Variants in ADAM12 observed in about 807,000 individuals in gnomAD.
ADAM12 encodes ADAM metallopeptidase domain 12, also known as disintegrin and metalloproteinase domain-containing protein 12.
In ADAM12, 70 loss-of-function variants were observed where a neutral mutation model predicts 106.4. The ratio of observed to expected loss-of-function variants is 0.66; its 90% CI spans 0.54 to 0.80. The LOEUF (loss-of-function observed/expected upper bound fraction) is 0.80. ADAM12 is among the 30% of genes least tolerant of loss of function. ADAM12 has a pLI of 0.00. For missense variants in ADAM12, 1,010 were observed against 1,171.9 expected (o/e 0.86, Z 2.02); for synonymous variants, 420 against 433.5 (o/e 0.97, Z 0.39).
intron 14 of ADAM12, among the ~76,000 whole-genome samples, chr10:126,062,343 G>A (rs550899587): frequency 6.6e-6 from 1 of 152,282 alleles, no homozygotes; most frequent in Admixed American, 6.5e-5. Flanking sequence ...GAGAGTGGGT[G>A]GGAGAGAGTA....
At chr10:126,365,110 A>T (rs1195402107) in intron 1 of ADAM12, among the ~76,000 whole-genome samples, 3 of 152,176 alleles carry the variant, frequency 2.0e-5, no homozygotes, top group Non-Finnish European at 4.4e-5. Flanking sequence ...ATTATCCAGT[A>T]TGATTGGTGA....
At position 126,071,530 on chromosome 10, in the gene ADAM12, A is replaced by G. The variant is rs766002693; in HGVS notation, c.1270T>C (p.Cys424Arg). The G allele has an allele frequency of 2.5e-6, 4 of 1,614,020 alleles. No homozygotes were observed. In the South Asian group the frequency reaches 3.3e-5, roughly 13 times the overall value. The change falls in exon 12 of 23, where the codon TGT becomes CGT. Residue 424 changes from cysteine to arginine, a missense_variant. This residue lies in a region of ADAM12 where 615 missense variants were observed against 708.5 expected (regional missense o/e 0.87). Transcript: ENST00000448723. Reference protein sequence around the residue: ...EVRESFGGQKCGNRFVEEGEE... With the variant: ...EVRESFGGQKRGNRFVEEGEE... ...CCTTCTTCCACAAATCTGTTCCCAC[A>G]CTTCTGGCCCCCGAAAGACTCCCTG...
chr10:126,088,577 G>C (rs747283050), intron 11 of ADAM12, among the ~76,000 whole-genome samples: 17 of 151,930 alleles, frequency 1.1e-4, no homozygotes, highest in Non-Finnish European at 2.1e-4. Flanking sequence ...GGGCATGGTG[G>C]TGTGTGCCTG....
At chr10:126,037,724 G>GTTCTC (rs149031251) in intron 20 of ADAM12, among the ~76,000 whole-genome samples, 4,102 of 152,284 alleles carry the variant, frequency 0.027, 213 homozygotes, top group African/African-American at 0.093. Context: ...TAAGGATCCA[G>GTTCTC]TTCTCTGAAA....
chr10:126,070,882 A>G (rs1001693315), intron 12 of ADAM12, among the ~76,000 whole-genome samples: 5 of 152,202 alleles, frequency 3.3e-5, no homozygotes, highest in African/African-American at 1.2e-4. Context: ...GGGCCCTATT[A>G]AAACAAGGAC....
chr10:126,321,912 G>GC lies in ADAM12; in HGVS notation c.186+8499_186+8500insG, dbSNP rs1554866274. On this transcript the variant is annotated intron_variant, in intron 2 of 22. Transcript: ENST00000448723. ...AACTTTCTACCTGGGGGTCGGGGGGGGGGCTTCAGCAACCTCATGTGCACA... is the reference window on the plus strand; with the variant it reads ...AACTTTCTACCTGGGGGTCGGGGGGGCGGGCTTCAGCAACCTCATGTGCACA... 2.2e-5 allele frequency among the ~76,000 whole-genome samples: 3 copies of GC among 138,580 alleles called. 1 individual carries two copies. Among genetic ancestry groups the GC allele is most frequent in the Non-Finnish European group, 4.8e-5 (3 of 63,062 alleles). The allele number at this position is 138,580 out of a possible 152,430, so 90.9% of individuals were successfully genotyped here. A position where few individuals can be genotyped will look rare whatever the true frequency, so the allele number is the denominator to read the frequency against.
intron 1 of ADAM12, among the ~76,000 whole-genome samples, chr10:126,343,858 C>G (rs1170898082): frequency 5.3e-5 from 8 of 152,128 alleles, no homozygotes; most frequent in Admixed American, 2.0e-4. Context: ...TATCCTTCAC[C>G]CACTTTTTGA....
rs1230117779 is a variant in ADAM12, at chr10:126,053,550, C to G, written c.1610-3881G>C. On this transcript the variant is annotated intron_variant, in intron 14 of 22. Transcript: ENST00000448723. The surrounding 1 kb of genome is among the most constrained non-coding windows in gnomAD (Gnocchi z 4.6). ...TCGAATATGTGAATTTTTACCAACA[C>G]AGATGACACAGTCAAGCATCATCTT... Among the ~76,000 whole-genome samples, 2 of 152,110 alleles carry G rather than the reference C, an allele frequency of 1.3e-5. No homozygotes were observed. The highest frequency in any genetic ancestry group is 2.9e-5 in the Non-Finnish European group (2 of 68,026).
intron 11 of ADAM12, among the ~76,000 whole-genome samples, chr10:126,084,395 T>A (rs1955294855): frequency 6.6e-6 from 1 of 152,160 alleles, no homozygotes; most frequent in South Asian, 2.1e-4. Context: ...CTCAGCTTCA[T>A]TGCAAGAAAT....
chr10:126,221,157 G>T (rs1398005215), intron 3 of ADAM12, among the ~76,000 whole-genome samples: 1 of 152,182 alleles, frequency 6.6e-6, no homozygotes, highest in Admixed American at 6.5e-5. Context: ...GCTGAGGCAG[G>T]CAGGTCACTT....
Position 126,286,650 on chromosome 10 carries a change from T to G in ADAM12, c.187-7662A>C, listed in dbSNP as rs576927551. ...TGCTACTTCCACAGCCTGGAAGATA[T>G]GCGCACTGTGGAATTTAGAGAGGAC... On this transcript the variant is annotated intron_variant, in intron 2 of 22. Transcript: ENST00000448723. Among the ~76,000 whole-genome samples, 6 of 152,272 alleles carry G rather than the reference T, an allele frequency of 3.9e-5. No homozygotes were observed. The East Asian group carries it at 9.6e-4, about 24-fold the overall frequency.
At chr10:126,054,867 G>A (rs944252971) in intron 14 of ADAM12, among the ~76,000 whole-genome samples, 5 of 152,114 alleles carry the variant, frequency 3.3e-5, no homozygotes, top group Admixed American at 3.3e-4. Flanking sequence ...AGGGCTGGGG[G>A]TGTGTGTGGG....
At chr10:126,257,564 CTT>C (rs1453691765) in intron 3 of ADAM12, among the ~76,000 whole-genome samples, 1 of 152,188 alleles carries the variant, frequency 6.6e-6, no homozygotes, top group African/African-American at 2.4e-5. Flanking sequence ...TTTATTGACT[CTT>C]TAAATAAAAC....
At chr10:126,362,865 C>A (rs1855787116) in intron 1 of ADAM12, among the ~76,000 whole-genome samples, 1 of 152,070 alleles carries the variant, frequency 6.6e-6, no homozygotes, top group Non-Finnish European at 1.5e-5. Context: ...TTTTTGAGAT[C>A]TATTGCACAG....
intron 3 of ADAM12, among the ~76,000 whole-genome samples, chr10:126,195,257 C>T (rs1196229371): frequency 6.6e-6 from 1 of 152,160 alleles, no homozygotes; most frequent in Non-Finnish European, 1.5e-5. Flanking sequence ...GTTCTCACCA[C>T]ATACACACAA....
chr10:126,100,430 G>A (rs1041820733), intron 9 of ADAM12, among the ~76,000 whole-genome samples: 34 of 151,878 alleles, frequency 2.2e-4, no homozygotes, highest in African/African-American at 7.5e-4. Context: ...TCGGCCTGGC[G>A]CGGTGGCTCA....
intron 3 of ADAM12, among the ~76,000 whole-genome samples, chr10:126,253,913 C>T (rs1958837465): frequency 6.6e-6 from 1 of 152,234 alleles, no homozygotes; most frequent in Non-Finnish European, 1.5e-5. Context: ...CATGCCCCAT[C>T]CTGTACCTGG....
At chr10:126,171,493 T>C (rs1001287061) in intron 3 of ADAM12, among the ~76,000 whole-genome samples, 4 of 152,218 alleles carry the variant, frequency 2.6e-5, no homozygotes, top group African/African-American at 7.2e-5. Flanking sequence ...TATTACTTAC[T>C]TGGATTGCAT....
chr10:126,329,374 G>A (rs1176924011), intron 2 of ADAM12, among the ~76,000 whole-genome samples: 1 of 151,978 alleles, frequency 6.6e-6, no homozygotes, highest in Non-Finnish European at 1.5e-5. Flanking sequence ...TATAACGAAA[G>A]CCCACTCCTC....
Sources: gnomAD v4.1 joint callset for allele counts (sites outside exome capture counted in the v4.1 genomes callset) on GRCh38, gnomAD v4.1.1 for gene constraint, gnomAD v4.1.1 regional missense constraint, Gnocchi (gnomAD v3.1) non-coding constraint, MANE v1.5 for transcripts, NCBI Gene and HGNC (gene_info 2026-07-23, HGNC 2026-07-21) for gene names.